DPF3: variants seen among roughly 807,000 people sequenced by gnomAD.
DPF3 encodes the protein double PHD fingers 3.
DPF3 carries 18 observed loss-of-function variants against 56.8 expected under a neutral mutation model. The ratio of observed to expected loss-of-function variants is 0.32; its 90% CI spans 0.22 to 0.47. The LOEUF (loss-of-function observed/expected upper bound fraction) is 0.47. Ranked by LOEUF, DPF3 falls within the 20% of genes least tolerant of loss-of-function variation. The pLI is 1.00. For missense variants in DPF3, 403 were observed against 488.8 expected (o/e 0.82, Z 1.65); for synonymous variants, 188 against 180.2 (o/e 1.04, Z -0.35).
chr14:72,836,558 G>T, intron 1 of DPF3: 1 of 967,228 alleles, frequency 1.0e-6, no homozygotes, highest in South Asian at 4.8e-5. Flanking sequence ...TGCCTACTGT[G>T]ATGTCACTCC....
chr14:72,711,483 T>C (rs1179486553), intron 6 of DPF3, among the ~76,000 whole-genome samples: 1 of 151,848 alleles, frequency 6.6e-6, no homozygotes, highest in African/African-American at 2.4e-5. Flanking sequence ...ACTAGTAAGC[T>C]GTTGAGAGGG....
At chr14:72,796,162 G>C (rs1267951130) in intron 1 of DPF3, among the ~76,000 whole-genome samples, 1 of 152,152 alleles carries the variant, frequency 6.6e-6, no homozygotes, top group African/African-American at 2.4e-5. Context: ...CTAATTAGCT[G>C]GGTGACTTTA....
intron 1 of DPF3, among the ~76,000 whole-genome samples, chr14:72,889,767 T>G (rs1886679856): frequency 6.6e-6 from 1 of 152,240 alleles, no homozygotes; most frequent in African/African-American, 2.4e-5. Flanking sequence ...CTGTTTGACT[T>G]GGCTAAGTAA....
chr14:72,813,827 G>A (rs7152489), intron 1 of DPF3, among the ~76,000 whole-genome samples: 9,214 of 152,278 alleles, frequency 0.061, 761 homozygotes, highest in African/African-American at 0.19. Flanking sequence ...CGAGCACAGA[G>A]ATGAGGGGCT....
At position 72,745,264 on chromosome 14, in the gene DPF3, T is replaced by C. The variant is rs567047693; in HGVS notation, c.301+8000A>G. Among the ~76,000 whole-genome samples the C allele has an allele frequency of 4.1e-4, 63 of 152,358 alleles. No homozygotes were observed. The South Asian group carries it at 0.013, about 31-fold the overall frequency. ...TATACAATGTTGTACAATTTGCTTT[T>C]TGTTGTGCAATTTGTTTTTTTTCGC... On this transcript the variant is annotated intron_variant, in intron 3 of 10. Coordinates refer to ENST00000556509, the MANE Select transcript of DPF3 (RefSeq NM_001280542.3).
rs1555489991 is a variant in DPF3, at chr14:72,629,678, C to A, written c.930G>T (p.Lys310Asn). 1 of 1,535,984 alleles carries A rather than the reference C, an allele frequency of 6.5e-7. No homozygotes were observed. The highest frequency in any genetic ancestry group is 8.7e-7 in the Non-Finnish European group (1 of 1,146,884). ...AGGATTTGCACTCTATGCACTGCCACTTGTAGGTCTTGACAGCCTCGGTCA... is the reference window on the plus strand; with the variant it reads ...AGGATTTGCACTCTATGCACTGCCAATTGTAGGTCTTGACAGCCTCGGTCA... ...LNMTEAVKTY[K>N]WQCIECKSCI... The change falls in exon 9 of 11, where the codon AAG becomes AAT. Residue 310 changes from lysine to asparagine, a missense_variant. Physicochemically the swap from Lys to Asn is moderately conservative, Grantham distance 94 (BLOSUM62 0). This residue lies in a region of DPF3 where 63 missense variants were observed against 114.4 expected (regional missense o/e 0.55). Transcript: ENST00000556509.
chr14:72,667,653 G>A lies in DPF3; in HGVS notation c.871+6587C>T, dbSNP rs145497968. Among the ~76,000 whole-genome samples the A allele has an allele frequency of 8.0e-3, 1,214 of 152,320 alleles. 24 individuals carry two copies. The highest frequency in any genetic ancestry group is 0.028 in the African/African-American group (1,154 of 41,554). ...TGATCTCTTTGTACATTGTCTAGAA[G>A]TGATGATTAAGAAGGTAAGTTATCT... is the stretch of plus-strand genomic sequence containing the variant. On this transcript the variant is annotated intron_variant, in intron 8 of 10. Coordinates refer to ENST00000556509, the MANE Select transcript of DPF3 (RefSeq NM_001280542.3).
At chr14:72,712,741 C>T (rs1488928169) in intron 6 of DPF3, among the ~76,000 whole-genome samples, 1 of 152,122 alleles carries the variant, frequency 6.6e-6, no homozygotes, top group African/African-American at 2.4e-5. Flanking sequence ...GTGGCATGGG[C>T]CTGTAGTCCT....
chr14:72,668,449 A>G (rs1886528380), intron 8 of DPF3, among the ~76,000 whole-genome samples: 1 of 152,230 alleles, frequency 6.6e-6, no homozygotes, highest in East Asian at 1.9e-4. Flanking sequence ...CTATGCTTCT[A>G]TTACCCCAAG....
chr14:72,884,075 G>C (rs1886422548), intron 1 of DPF3, among the ~76,000 whole-genome samples: 1 of 152,160 alleles, frequency 6.6e-6, no homozygotes, highest in Non-Finnish European at 1.5e-5. Flanking sequence ...AGTTGAAGGA[G>C]GAGCCAGAGA....
intron 8 of DPF3, among the ~76,000 whole-genome samples, chr14:72,648,632 C>T (rs929752681): frequency 2.0e-5 from 3 of 151,970 alleles, no homozygotes; most frequent in Non-Finnish European, 4.4e-5. Flanking sequence ...CACCCAGCTC[C>T]CCGCCTCTGT....
At chr14:72,774,754 A>T (rs1399574224) in intron 1 of DPF3, among the ~76,000 whole-genome samples, 2 of 152,194 alleles carry the variant, frequency 1.3e-5, no homozygotes, top group Admixed American at 6.5e-5. Flanking sequence ...CTGTAATCAA[A>T]TTGTAATAGT....
chr14:72,639,420 C>G lies in DPF3; in HGVS notation c.872-9684G>C, dbSNP rs542545609. On this transcript the variant is annotated intron_variant, in intron 8 of 10. Transcript: ENST00000556509. ...GCTGCACTAAATGACTCACCTCAAA[C>G]TAGTAGAATATGGCAGAAGTGATGA... 1.3e-3 allele frequency among the ~76,000 whole-genome samples: 199 copies of G among 152,250 alleles called. 1 individual carries two copies. Among genetic ancestry groups the G allele is most frequent in the Non-Finnish European group, 2.0e-3 (137 of 68,012 alleles).
intron 8 of DPF3, among the ~76,000 whole-genome samples, chr14:72,655,984 G>T (rs1886051256): frequency 6.6e-6 from 1 of 152,180 alleles, no homozygotes; most frequent in African/African-American, 2.4e-5. Flanking sequence ...GGTGTCAAAA[G>T]AACTGCTTGT....
At chr14:72,885,812 G>A (rs1005710502) in intron 1 of DPF3, among the ~76,000 whole-genome samples, 7 of 152,254 alleles carry the variant, frequency 4.6e-5, no homozygotes, top group Admixed American at 1.3e-4. Context: ...AATGCCCATC[G>A]GCAGTTAAAC....
chr14:72,678,780 T>C (rs755517008), intron 7 of DPF3, among the ~76,000 whole-genome samples: 88 of 152,310 alleles, frequency 5.8e-4, no homozygotes, highest in Non-Finnish European at 8.8e-4. Flanking sequence ...GGTTTTCTGT[T>C]GATTAATGTT....
rs866200730 is a variant in DPF3, at chr14:72,611,249, C to A, written c.*8048G>T. Among the ~76,000 whole-genome samples, 1 of 152,258 alleles carries A rather than the reference C, an allele frequency of 6.6e-6. No homozygotes were observed. Among genetic ancestry groups the A allele is most frequent in the Non-Finnish European group, 1.5e-5 (1 of 68,058 alleles). On this transcript the variant is annotated 3_prime_UTR_variant, in exon 11 of 11. Coordinates refer to ENST00000556509, the MANE Select transcript of DPF3 (RefSeq NM_001280542.3). ...TCAGGGAATAACTCAAAGCTGAAAT[C>A]TGGCTGTGACACGTGTGGAGAAAAG... is the stretch of plus-strand genomic sequence containing the variant.
At chr14:72,725,926 G>A (rs919071296) in intron 4 of DPF3, among the ~76,000 whole-genome samples, 1 of 152,152 alleles carries the variant, frequency 6.6e-6, no homozygotes, top group Non-Finnish European at 1.5e-5. Context: ...AGGTTTATTT[G>A]GGAATCCACC....
At chr14:72,824,975 C>T (rs1883730961) in intron 1 of DPF3, among the ~76,000 whole-genome samples, 2 of 152,114 alleles carry the variant, frequency 1.3e-5, no homozygotes, top group South Asian at 2.1e-4. Context: ...GAAACCTCCA[C>T]CTCCCGGATT....
Sources: allele counts gnomAD v4.1 joint callset (sites outside exome capture counted in the v4.1 genomes callset), GRCh38; gene constraint gnomAD v4.1.1; regional missense constraint gnomAD v4.1.1; transcripts MANE v1.5; gene names NCBI Gene and HGNC (gene_info 2026-07-23, HGNC 2026-07-21).